Variants in GABRG1 observed in about 807,000 individuals in gnomAD.
GABRG1 encodes the protein gamma-aminobutyric acid receptor subunit gamma-1.
A neutral mutation model predicts 49.8 loss-of-function variants in GABRG1; 49 were observed. The ratio of observed to expected loss-of-function variants is 0.98; its 90% CI spans 0.78 to 1.25. GABRG1 has a LOEUF of 1.25. Ranked by LOEUF, GABRG1 falls within the 50% of genes most tolerant of loss-of-function variation. The pLI is 0.00. For missense variants in GABRG1, 552 were observed against 552.3 expected (o/e 1.00, Z 0.01); for synonymous variants, 232 against 185.1 (o/e 1.25, Z -2.06).
intron 5 of GABRG1, 30 bp from the exon 6 acceptor site, chr4:46,058,652 G>C: frequency 6.4e-7 from 1 of 1,571,872 alleles, no homozygotes. Context: ...AGATTAGCAA[G>C]ATCCAAATTT....
intron 3 of GABRG1, among the ~76,000 whole-genome samples, chr4:46,077,080 A>G (rs1243351581): frequency 6.9e-6 from 1 of 144,152 alleles, no homozygotes; most frequent in Non-Finnish European, 1.5e-5. Context: ...AATCCGTTAA[A>G]TGTTGCATAT....
intron 1 of GABRG1, among the ~76,000 whole-genome samples, chr4:46,110,409 C>T (rs1720678308): frequency 6.6e-6 from 1 of 151,010 alleles, no homozygotes; most frequent in Non-Finnish European, 1.5e-5. Flanking sequence ...ATTACTACCT[C>T]TGAGACAGGT....
intron 1 of GABRG1, among the ~76,000 whole-genome samples, chr4:46,098,760 C>G (rs1720276052): frequency 6.6e-6 from 1 of 151,706 alleles, no homozygotes; most frequent in South Asian, 2.1e-4. Flanking sequence ...AGTGGCCAAA[C>G]AAATCCTGAA....
At chr4:46,103,838 T>A (rs578037231) in intron 1 of GABRG1, among the ~76,000 whole-genome samples, 31 of 151,366 alleles carry the variant, frequency 2.0e-4, no homozygotes, top group South Asian at 1.0e-3. Context: ...AAAGCATAAG[T>A]GGTTAGAATG....
chr4:46,062,324 C>T (rs1478246120), intron 5 of GABRG1, among the ~76,000 whole-genome samples: 11 of 151,768 alleles, frequency 7.2e-5, no homozygotes, highest in African/African-American at 1.7e-4. Flanking sequence ...TGAATAGTGC[C>T]GCAATAAACA....
intron 1 of GABRG1, among the ~76,000 whole-genome samples, chr4:46,099,785 C>A (rs777645277): frequency 6.6e-6 from 1 of 151,582 alleles, no homozygotes; most frequent in Non-Finnish European, 1.5e-5. Flanking sequence ...AGTTCTCAGA[C>A]CCTAAAACCC....
intron 1 of GABRG1, among the ~76,000 whole-genome samples, chr4:46,114,701 A>T (rs1720831169): frequency 6.6e-6 from 1 of 151,036 alleles, no homozygotes; most frequent in African/African-American, 2.4e-5. Context: ...TTTCAGATAA[A>T]ATTACCATGA....
At chr4:46,045,381 C>G (rs556138982) in intron 8 of GABRG1, among the ~76,000 whole-genome samples, 1 of 152,028 alleles carries the variant, frequency 6.6e-6, no homozygotes, top group Non-Finnish European at 1.5e-5. Context: ...AAAGGAAAAT[C>G]TGGAATATAT....
rs766309026 is a variant in GABRG1, at chr4:46,041,116, T to G, written c.1270A>C (p.Thr424Pro). ...SFFCCFEDCR[T>P]GSWREGRIHI... is the part of the protein sequence containing the mutation. The stretch of plus-strand genomic sequence containing the variant: ...ATCCTTCCTTCCCTCCAAGATCCTG[T>G]TCTGCAGTCTTCAAAGCAACAGAAG... Residue 424 changes from threonine (T) to proline (P), a missense_variant, in exon 9 of 9, where the codon ACA becomes CCA. Thr to Pro is a conservative substitution (Grantham distance 38). Coordinates refer to ENST00000295452, the MANE Select transcript of GABRG1 (RefSeq NM_173536.4). 3 of 1,613,276 alleles carry G rather than the reference T, an allele frequency of 1.9e-6. No homozygotes were observed. In the South Asian group the frequency reaches 3.3e-5, roughly 18 times the overall value.
At chr4:46,067,665 T>A (rs1468360684) in intron 3 of GABRG1, among the ~76,000 whole-genome samples, 1 of 152,124 alleles carries the variant, frequency 6.6e-6, no homozygotes, top group Admixed American at 6.6e-5. Context: ...TGCTGTGGAA[T>A]ATGGACTGAA....
At position 46,107,571 on chromosome 4, in the gene GABRG1, T is replaced by G. The variant is rs188957008; in HGVS notation, c.105-10222A>C. On this transcript the variant is annotated intron_variant, in intron 1 of 8. Coordinates refer to ENST00000295452, the MANE Select transcript of GABRG1 (RefSeq NM_173536.4). ...CTTCTTTTTCTTATTGCTTCCTATC[T>G]CCCTCTCTTTTTTTCTCATATGTGA... is the stretch of plus-strand genomic sequence containing the variant. Among the ~76,000 whole-genome samples the G allele has an allele frequency of 4.9e-3, 747 of 151,050 alleles. 7 individuals carry two copies. The highest frequency in any genetic ancestry group is 4.0e-3 in the Non-Finnish European group (267 of 67,392).
In GABRG1 at chr4:46,035,964, G is replaced by A. The variant is rs2109386217; in HGVS notation, c.*5024C>T. On this transcript the variant is annotated 3_prime_UTR_variant, in exon 9 of 9. Transcript: ENST00000295452. ...GCCATAAAACTTTATTATACAAAGT[G>A]ACTACAAACACTTAATAGATGCAAA... The A allele has an allele frequency of 6.6e-6, 1 of 152,006 alleles. No individual in the cohort carries two copies. The highest frequency in any genetic ancestry group is 1.5e-5 in the Non-Finnish European group (1 of 67,894). 9.4% of individuals were successfully genotyped at this position (152,006 alleles called of 1,614,324 possible).
intron 1 of GABRG1, among the ~76,000 whole-genome samples, chr4:46,106,975 T>C (rs1720569978): frequency 6.6e-6 from 1 of 151,490 alleles, no homozygotes; most frequent in South Asian, 2.1e-4. Context: ...GTGAGATGTT[T>C]AGATACAGGC....
At chr4:46,069,740 A>C (rs893419663) in intron 3 of GABRG1, among the ~76,000 whole-genome samples, 1 of 152,082 alleles carries the variant, frequency 6.6e-6, no homozygotes, top group Non-Finnish European at 1.5e-5. Flanking sequence ...TGTTCTTGTT[A>C]GTTTTATAAT....
chr4:46,040,472 T>A lies in GABRG1; in HGVS notation c.*516A>T, dbSNP rs947935980. On this transcript the variant is annotated 3_prime_UTR_variant, in exon 9 of 9. Transcript: ENST00000295452. ...TCAATTTCTTCTTGGGAATACAATATCTTGGAAGAAAATCCAAGAAAACTA... is the reference window on the plus strand; with the variant it reads ...TCAATTTCTTCTTGGGAATACAATAACTTGGAAGAAAATCCAAGAAAACTA... 4 of 152,442 alleles carry A rather than the reference T, an allele frequency of 2.6e-5. No individual in the cohort carries two copies. The highest frequency in any genetic ancestry group is 1.3e-4 in the Admixed American group (2 of 15,174). 9.4% of individuals were successfully genotyped at this position (152,442 alleles called of 1,614,324 possible). A position where few individuals can be genotyped will look rare whatever the true frequency, so the allele number is the denominator to read the frequency against.
intron 5 of GABRG1, among the ~76,000 whole-genome samples, chr4:46,062,281 G>T (rs908746815): frequency 6.6e-6 from 1 of 151,688 alleles, no homozygotes; most frequent in Non-Finnish European, 1.5e-5. Context: ...ATCATTGTTG[G>T]ACATTTGGGT....
At chr4:46,074,463 C>A (rs1366900780) in intron 3 of GABRG1, among the ~76,000 whole-genome samples, 1 of 152,112 alleles carries the variant, frequency 6.6e-6, no homozygotes, top group East Asian at 1.9e-4. Flanking sequence ...GAAGCACTTG[C>A]TGCTTCTGTT....
Position 46,050,825 on chromosome 4 carries a change from A to G in GABRG1, c.1131+599T>C, listed in dbSNP as rs746036037. On this transcript the variant is annotated intron_variant, in intron 8 of 8. Transcript: ENST00000295452. ...CTGCAGAGTGTCTGGAACATTCAAC[A>G]TGTGTTAGATATTACTTTCAGGTTG... Among the ~76,000 whole-genome samples, 46 of 151,824 alleles carry G rather than the reference A, an allele frequency of 3.0e-4. 1 individual carries two copies. Among genetic ancestry groups the G allele is most frequent in the Non-Finnish European group, 1.2e-4 (8 of 67,872 alleles).
chr4:46,075,813 A>G (rs1041461731), intron 3 of GABRG1, among the ~76,000 whole-genome samples: 1 of 152,096 alleles, frequency 6.6e-6, no homozygotes, highest in Non-Finnish European at 1.5e-5. Flanking sequence ...TTGCAGCAAC[A>G]TGGATGGAAC....
Sources: allele counts gnomAD v4.1 joint callset (sites outside exome capture counted in the v4.1 genomes callset), GRCh38; gene constraint gnomAD v4.1.1; transcripts MANE v1.5; gene names NCBI Gene and HGNC (gene_info 2026-07-23, HGNC 2026-07-21).